The following WNK2 variants were observed in gnomAD, a reference collection of about 807,000 sequenced individuals.
WNK2 encodes the protein WNK lysine deficient protein kinase 2.
WNK2 carries 67 observed loss-of-function variants against 192.1 expected under a neutral mutation model. That is an observed-to-expected ratio of 0.35 (90% confidence interval 0.29 to 0.43). The LOEUF is 0.43. Among genes scored for constraint, WNK2 ranks in the 20% least tolerant of loss-of-function variants. WNK2 has a pLI of 1.00. For missense variants in WNK2, 2,698 were observed against 3,089.7 expected (o/e 0.87, Z 3.01); for synonymous variants, 1,439 against 1,393.9 (o/e 1.03, Z -0.72).
chr9:93,284,948 T>G (rs1361637364), intron 19 of WNK2, among the ~76,000 whole-genome samples: 1 of 152,258 alleles, frequency 6.6e-6, no homozygotes, highest in South Asian at 2.1e-4. Context: ...TATCAACCAC[T>G]CTGTAAATGG....
At chr9:93,206,187 A>C (rs1218744097) in intron 2 of WNK2, among the ~76,000 whole-genome samples, 1 of 152,132 alleles carries the variant, frequency 6.6e-6, no homozygotes, top group Non-Finnish European at 1.5e-5. Flanking sequence ...GGACAGTGTG[A>C]TCTGTCTGGA....
chr9:93,243,625 C>G (rs1466289138), intron 7 of WNK2, among the ~76,000 whole-genome samples: 2 of 152,248 alleles, frequency 1.3e-5, no homozygotes, highest in Non-Finnish European at 2.9e-5. Context: ...ACCTCAAGAG[C>G]CGCCTGGCAG....
intron 27 of WNK2, chr9:93,307,981 G>A: frequency 3.1e-6 from 1 of 322,726 alleles, no homozygotes; most frequent in East Asian, 6.2e-5. Context: ...AGTGTGTCTG[G>A]CTGTGCCAGG....
In WNK2 at chr9:93,247,752, C is replaced by T. The variant is rs764192887; in HGVS notation, c.1752C>T (p.Pro584=). 8 of 1,553,266 alleles carry T rather than the reference C, an allele frequency of 5.2e-6. No individual in the cohort carries two copies. The highest frequency in any genetic ancestry group is 1.9e-5 in the Admixed American group (1 of 51,488). Residue 584 remains proline (P), a synonymous_variant, in exon 8 of 30, where the codon CCC becomes CCT. Coordinates refer to ENST00000427277, the MANE Select transcript of WNK2 (RefSeq NM_006648.4). The surrounding 1 kb of genome is among the most constrained non-coding windows in gnomAD (Gnocchi z 5.2). The part of the protein sequence containing the change: ...QVTYHAQAGQ[P]GPPEPEEPEA... Reference sequence around the variant, plus strand: ...CCTACCATGCACAGGCTGGGCAGCCCGGGCCACCAGAGCCCGAGGAGCCGG... The same window carrying T: ...CCTACCATGCACAGGCTGGGCAGCCTGGGCCACCAGAGCCCGAGGAGCCGG...
At chr9:93,304,557 C>T (rs540927385) in intron 26 of WNK2, among the ~76,000 whole-genome samples, 110 of 152,340 alleles carry the variant, frequency 7.2e-4, no homozygotes, top group African/African-American at 2.4e-3. Flanking sequence ...TGGCAGCCTC[C>T]TGAAAGTTTC....
At chr9:93,235,551 T>C (rs1317231162) in intron 5 of WNK2, among the ~76,000 whole-genome samples, 1 of 152,228 alleles carries the variant, frequency 6.6e-6, no homozygotes, top group Admixed American at 6.5e-5. Flanking sequence ...CAGATCTGTC[T>C]TGTCCTCCCT....
chr9:93,252,983 G>A lies in WNK2; in HGVS notation c.1935G>A (p.Pro645=), dbSNP rs143979324. Residue 645 remains proline, a synonymous_variant, in exon 9 of 30, where the codon CCG becomes CCA. Coordinates refer to ENST00000427277, the MANE Select transcript of WNK2 (RefSeq NM_006648.4). ...VMLGSLADAA[P]SPAQCVCSPP... ...TTGGCTCCCTTGCCGACGCAGCGCC[G>A]TCCCCGGCCCAGTGTGTGTGCAGCC... 2.7e-4 allele frequency: 416 copies of A among 1,566,794 alleles called. 1 individual carries two copies. The African/African-American group carries it at 3.6e-3, about 13-fold the overall frequency.
At chr9:93,284,723 G>T (rs1848208060) in intron 19 of WNK2, among the ~76,000 whole-genome samples, 1 of 152,194 alleles carries the variant, frequency 6.6e-6, no homozygotes, top group Admixed American at 6.5e-5. Flanking sequence ...TGGATTTCTG[G>T]GGGTAGGACC....
intron 25 of WNK2, among the ~76,000 whole-genome samples, chr9:93,299,779 C>T (rs1851269200): frequency 6.6e-6 from 1 of 152,192 alleles, no homozygotes; most frequent in Admixed American, 6.5e-5. Flanking sequence ...CCTGTCCTCA[C>T]CATCTCTGTC....
intron 26 of WNK2, among the ~76,000 whole-genome samples, chr9:93,300,929 C>T (rs1055316934): frequency 5.9e-5 from 9 of 152,142 alleles, no homozygotes; most frequent in Non-Finnish European, 1.5e-5. Context: ...GCTTGGCCGG[C>T]TCCTCCTCCT....
At chr9:93,311,688 C>T (rs1293138847) in intron 28 of WNK2, among the ~76,000 whole-genome samples, 2 of 151,224 alleles carry the variant, frequency 1.3e-5, no homozygotes, top group African/African-American at 2.4e-5. Context: ...TGCAATGACA[C>T]GATCTTGGCT....
intron 23 of WNK2, among the ~76,000 whole-genome samples, chr9:93,294,768 G>C (rs1849967964): frequency 6.6e-6 from 1 of 152,030 alleles, no homozygotes; most frequent in Non-Finnish European, 1.5e-5. Flanking sequence ...CCAGGGGCAG[G>C]TGGGGTCTAG....
chr9:93,291,781 G>A (rs575604521), intron 21 of WNK2, among the ~76,000 whole-genome samples: 75 of 152,318 alleles, frequency 4.9e-4, no homozygotes, highest in African/African-American at 1.6e-3. Context: ...CCCCATGTCA[G>A]CTTGCTTGGC....
In WNK2 at chr9:93,234,831, G is replaced by A; in HGVS notation, c.1099G>A (p.Glu367Lys). The A allele has an allele frequency of 6.2e-7, 1 of 1,613,834 alleles. No individual in the cohort carries two copies. The highest frequency in any genetic ancestry group is 8.5e-7 in the Non-Finnish European group (1 of 1,179,732). ...AGGTACTCCCGAGTTCATGGCGCCC[G>A]AGATGTACGAGGAGCACTACGATGA... ...VIGTPEFMAP[E>K]MYEEHYDESV... is the part of the protein sequence containing the mutation. The change falls in exon 5 of 30, where the codon GAG becomes AAG. Residue 367 changes from glutamate to lysine, a missense_variant. Around this residue, in one of 7 missense-constraint regions of WNK2, gnomAD observed 230 missense variants for 501.1 expected, o/e 0.46. Transcript: ENST00000427277.
In WNK2 at chr9:93,257,751, C is replaced by G. The variant is rs1370814249; in HGVS notation, c.2382+612C>G. On this transcript the variant is annotated intron_variant, in intron 11 of 29. Coordinates refer to ENST00000427277, the MANE Select transcript of WNK2 (RefSeq NM_006648.4). The surrounding 1 kb of genome is among the most constrained non-coding windows in gnomAD (Gnocchi z 4.7). ...TGTGGCATTGCTGACTGCAGGAAAG[C>G]CCAGCCAGCAAGGCTCGACTCACAC... 6.6e-6 allele frequency among the ~76,000 whole-genome samples: 1 copy of G among 152,202 alleles called. No homozygotes were observed. Among genetic ancestry groups the G allele is most frequent in the Non-Finnish European group, 1.5e-5 (1 of 68,034 alleles).
At chr9:93,197,229 C>T (rs931728551) in intron 2 of WNK2, among the ~76,000 whole-genome samples, 1 of 152,192 alleles carries the variant, frequency 6.6e-6, no homozygotes, top group Non-Finnish European at 1.5e-5. Context: ...AGTACTTCAG[C>T]CTGTGTCTCT....
rs1842810781 is a variant in WNK2, at chr9:93,253,070, G to T, written c.2022G>T (p.Gln674His). 1.4e-6 allele frequency: 2 copies of T among 1,476,008 alleles called. No individual in the cohort carries two copies. 91.4% of individuals were successfully genotyped at this position (1,476,008 alleles called of 1,614,324 possible). The change falls in exon 9 of 30, where the codon CAG becomes CAT. Residue 674 changes from glutamine (Q) to histidine (H), a missense_variant. Gln to His is a conservative substitution (Grantham distance 24). Around this residue, in one of 7 missense-constraint regions of WNK2, gnomAD observed 893 missense variants for 909.0 expected, o/e 0.98. Coordinates refer to ENST00000427277, the MANE Select transcript of WNK2 (RefSeq NM_006648.4). ...TGCCCTCGCTGGGGGCCTACCAGCA[G>T]CCCACGGCTGCAGTGAGTCAGAGCA... ...QSLPSLGAYQ[Q>H]PTAAPGLPVG... is the part of the protein sequence containing the mutation.
At chr9:93,258,866 T>C in intron 11 of WNK2, 65 bp from the exon 12 acceptor site, 5 of 1,445,642 alleles carry the variant, frequency 3.5e-6, no homozygotes, top group Non-Finnish European at 3.8e-6. Flanking sequence ...TGTCCTTGCA[T>C]GCAAGTGCTG....
At position 93,256,949 on chromosome 9, in the gene WNK2, C is replaced by A; in HGVS notation, c.2192C>A (p.Pro731His). Residue 731 changes from proline to histidine, a missense_variant and splice_region_variant, in exon 11 of 30, where the codon CCT becomes CAT. Physicochemically the swap from Pro to His is moderately conservative, Grantham distance 77. Transcript: ENST00000427277. ...PGQPAPPGQQPPPLAQPTPLP... is the reference protein window; with the variant it reads ...PGQPAPPGQQHPPLAQPTPLP... ...GGGAGCTACCTTCTCTCCCTCTAGC[C>A]TCCTCCGCTGGCCCAGCCGACACCC... The A allele has an allele frequency of 6.4e-7, 1 of 1,559,924 alleles. No individual in the cohort carries two copies. The highest frequency in any genetic ancestry group is 8.6e-7 in the Non-Finnish European group (1 of 1,159,062).
Sources: gnomAD v4.1 joint callset for allele counts (sites outside exome capture counted in the v4.1 genomes callset) on GRCh38, gnomAD v4.1.1 for gene constraint, gnomAD v4.1.1 regional missense constraint, Gnocchi (gnomAD v3.1) non-coding constraint, MANE v1.5 for transcripts, NCBI Gene and HGNC (gene_info 2026-07-23, HGNC 2026-07-21) for gene names.